RFC3: variants seen among roughly 807,000 people sequenced by gnomAD.
RFC3 encodes the protein replication factor C subunit 3.
In RFC3, 41 loss-of-function variants were observed where a neutral mutation model predicts 45.1. That is an observed-to-expected ratio of 0.91 (90% confidence interval 0.71 to 1.18). The LOEUF is 1.18. Among genes scored for constraint, RFC3 ranks in the 50% most tolerant of loss-of-function variants. RFC3 has a pLI of 0.00. For missense variants in RFC3, 423 were observed against 428.1 expected (o/e 0.99, Z 0.10); for synonymous variants, 149 against 144.0 (o/e 1.03, Z -0.25).
At chr13:33,864,404 A>G (rs770231718) in intron 8 of RFC3, among the ~76,000 whole-genome samples, 2 of 152,128 alleles carry the variant, frequency 1.3e-5, no homozygotes, top group Non-Finnish European at 2.9e-5. Context: ...ACTGGCATCT[A>G]ATTGTTGTAT....
intron 8 of RFC3, among the ~76,000 whole-genome samples, chr13:33,950,780 C>A (rs10220208): frequency 6.6e-6 from 1 of 152,130 alleles, no homozygotes; most frequent in Non-Finnish European, 1.5e-5. Flanking sequence ...CTCTCTCTCT[C>A]TCTTTGAACC....
intron 8 of RFC3, among the ~76,000 whole-genome samples, chr13:33,930,452 A>G (rs2082844319): frequency 6.6e-6 from 1 of 152,086 alleles, no homozygotes; most frequent in African/African-American, 2.4e-5. Flanking sequence ...AGGCTGGAAG[A>G]CTCAGCAATT....
intron 1 of RFC3, among the ~76,000 whole-genome samples, chr13:33,819,864 C>T (rs573052074): frequency 6.6e-6 from 1 of 152,236 alleles, no homozygotes; most frequent in East Asian, 1.9e-4. Flanking sequence ...TAAAGCATAA[C>T]CCTTATTTTT....
At chr13:33,964,846 C>T (rs1455948403) in intron 8 of RFC3, among the ~76,000 whole-genome samples, 2 of 152,098 alleles carry the variant, frequency 1.3e-5, no homozygotes, top group Non-Finnish European at 2.9e-5. Context: ...ATAAGATCAC[C>T]CTGGCTTATA....
intron 8 of RFC3, among the ~76,000 whole-genome samples, chr13:33,865,599 T>A (rs186498659): frequency 6.6e-6 from 1 of 152,322 alleles, no homozygotes. Context: ...AATCAATCAA[T>A]CAATTATAAA....
chr13:33,943,108 A>G (rs1239673783), intron 8 of RFC3, among the ~76,000 whole-genome samples: 1 of 152,218 alleles, frequency 6.6e-6, no homozygotes, highest in Non-Finnish European at 1.5e-5. Context: ...TAGTATGTTT[A>G]TTAATGACAT....
chr13:33,948,555 A>G (rs576663524), intron 8 of RFC3, among the ~76,000 whole-genome samples: 95 of 152,258 alleles, frequency 6.2e-4, no homozygotes, highest in African/African-American at 1.5e-3. Flanking sequence ...AGAATTATCA[A>G]TCCACCAACA....
At position 33,873,247 on chromosome 13, in the gene RFC3, G is replaced by T. The variant is rs372660561; in HGVS notation, c.879+38030G>T. Among the ~76,000 whole-genome samples, 3 of 152,260 alleles carry T rather than the reference G, an allele frequency of 2.0e-5. No individual in the cohort carries two copies. The East Asian group carries it at 5.8e-4, about 29-fold the overall frequency. The stretch of plus-strand genomic sequence containing the variant: ...ATTGAGTCAGAACCAACAAATGTTC[G>T]AGCAACCCTCATGTCCCAGGCCTTT... On this transcript the variant is annotated intron_variant, in intron 8 of 8. Transcript: ENST00000434425.
intron 8 of RFC3, among the ~76,000 whole-genome samples, chr13:33,886,565 C>T (rs1294534530): frequency 6.6e-6 from 1 of 150,518 alleles, no homozygotes; most frequent in African/African-American, 2.4e-5. Flanking sequence ...AGAAAAAAAA[C>T]CCATCATTAT....
chr13:33,863,392 C>T (rs10467448), intron 8 of RFC3, among the ~76,000 whole-genome samples: 135,431 of 152,208 alleles, frequency 0.89, 60,526 homozygotes, highest in Non-Finnish European at 0.94. Context: ...TTCCCCACCC[C>T]GCCTAGGTTG....
At chr13:33,952,980 C>G (rs1303121780) in intron 8 of RFC3, among the ~76,000 whole-genome samples, 1 of 152,086 alleles carries the variant, frequency 6.6e-6, no homozygotes, top group Non-Finnish European at 1.5e-5. Flanking sequence ...CACAAATCTG[C>G]TCTTATAAAA....
Position 33,916,335 on chromosome 13 carries a change from G to C in RFC3, c.880-49752G>C, listed in dbSNP as rs1319726126. Among the ~76,000 whole-genome samples, 5 of 152,236 alleles carry C rather than the reference G, an allele frequency of 3.3e-5. No individual in the cohort carries two copies. The South Asian group carries it at 1.0e-3, about 32-fold the overall frequency. On this transcript the variant is annotated intron_variant, in intron 8 of 8. Transcript: ENST00000434425. ...AAGATTATTTGAAAATCCCCTTAGA[G>C]ATGGAAAGAAAGAAAAAAAGAAAGC...
At chr13:33,876,876 C>T (rs969312352) in intron 8 of RFC3, among the ~76,000 whole-genome samples, 4 of 152,216 alleles carry the variant, frequency 2.6e-5, no homozygotes, top group African/African-American at 9.6e-5. Flanking sequence ...TCCCAAATCC[C>T]ATGGTTTGCT....
chr13:33,906,478 A>T (rs1404849991), intron 8 of RFC3, among the ~76,000 whole-genome samples: 1 of 150,982 alleles, frequency 6.6e-6, no homozygotes, highest in Admixed American at 6.6e-5. Flanking sequence ...ACCTATTCTG[A>T]TCATCACTTT....
At chr13:33,923,556 G>A (rs1431735308) in intron 8 of RFC3, among the ~76,000 whole-genome samples, 1 of 152,144 alleles carries the variant, frequency 6.6e-6, no homozygotes, top group African/African-American at 2.4e-5. Flanking sequence ...ATTGAATGAA[G>A]AGGTGATATT....
intron 8 of RFC3, among the ~76,000 whole-genome samples, chr13:33,886,478 G>A (rs1403757514): frequency 5.3e-5 from 8 of 151,114 alleles, no homozygotes; most frequent in African/African-American, 1.5e-4. Context: ...CCTGGGAGGC[G>A]GAGGTTGCAG....
intron 7 of RFC3, among the ~76,000 whole-genome samples, chr13:33,834,330 A>C (rs1236155095): frequency 6.3e-5 from 6 of 95,082 alleles, no homozygotes; most frequent in Middle Eastern, 5.7e-3. Flanking sequence ...ATATATATAT[A>C]TCTGTACTGT....
chr13:33,869,394 AT>A (rs11402336), intron 8 of RFC3, among the ~76,000 whole-genome samples: 5 of 148,542 alleles, frequency 3.4e-5, no homozygotes, highest in Admixed American at 2.0e-4. Flanking sequence ...AACTGTGTAG[AT>A]TTTTTTTTTT....
At chr13:33,899,509 C>A (rs983704509) in intron 8 of RFC3, among the ~76,000 whole-genome samples, 4 of 151,756 alleles carry the variant, frequency 2.6e-5, no homozygotes, top group Middle Eastern at 3.4e-3. Context: ...CCTCATCAAA[C>A]TAGATAAAGA....
Sources: allele counts gnomAD v4.1 joint callset (sites outside exome capture counted in the v4.1 genomes callset), GRCh38; gene constraint gnomAD v4.1.1; transcripts MANE v1.5; gene names NCBI Gene and HGNC (gene_info 2026-07-23, HGNC 2026-07-21).